The following BCL11A variants were observed in gnomAD, a reference collection of about 807,000 sequenced individuals.
BCL11A encodes BCL11 transcription factor A, also known as B cell CLL/lymphoma 11A.
In BCL11A, 2 loss-of-function variants were observed where a neutral mutation model predicts 55.9. The ratio of observed to expected loss-of-function variants is 0.04; its 90% CI spans 0.01 to 0.11. The LOEUF is 0.11. BCL11A is among the 10% of genes least tolerant of loss of function. The probability of loss-of-function intolerance (pLI) is 1.00; values close to 1 mark genes in which losing one functional copy is unlikely to be tolerated. For synonymous variants in BCL11A, 465 were observed against 473.4 expected (o/e 0.98, Z 0.23); for missense variants, 817 against 1,137.1 (o/e 0.72, Z 4.05).
chr2:60,491,483 G>C (rs997181568), intron 2 of BCL11A, among the ~76,000 whole-genome samples: 5 of 151,970 alleles, frequency 3.3e-5, no homozygotes, highest in East Asian at 1.9e-4. Context: ...GATCAGTTTG[G>C]ACAACACAGT....
intron 2 of BCL11A, among the ~76,000 whole-genome samples, chr2:60,491,528 C>A (rs576384621): frequency 1.3e-5 from 2 of 151,950 alleles, no homozygotes. Context: ...CAAAATTAGC[C>A]GGGCATGGTA....
At chr2:60,467,504 A>G (rs377408821) in intron 3 of BCL11A, among the ~76,000 whole-genome samples, 1 of 4,834 alleles carries the variant, frequency 2.1e-4, no homozygotes, top group Non-Finnish European at 3.5e-4. Flanking sequence ...GGTGGTGATG[A>G]TGGTGATGGT....
intron 2 of BCL11A, chr2:60,528,203 C>T (rs1669292649): frequency 6.6e-6 from 1 of 152,666 alleles, no homozygotes; most frequent in Admixed American, 6.5e-5. Context: ...CTGATTCTCC[C>T]CAGCCTTTGA....
intron 1 of BCL11A, chr2:60,549,877 T>A (rs567389468): frequency 6.6e-6 from 1 of 152,324 alleles, no homozygotes; most frequent in East Asian, 1.9e-4. Flanking sequence ...TCTCTGCAAA[T>A]GCATTTCCCC....
At chr2:60,552,674 A>G (rs985174809) in intron 1 of BCL11A, among the ~76,000 whole-genome samples, 3 of 152,018 alleles carry the variant, frequency 2.0e-5, no homozygotes, top group African/African-American at 7.3e-5. Flanking sequence ...CTCCCGCTGC[A>G]CACTTGACCG....
rs544967039 is a variant in BCL11A, at chr2:60,546,091, G to A, written c.265C>T (p.Pro89Ser). ...TTGGATGCTTTTTTCATCTCGATTG[G>A]TGAAGGGGAAGGTGGCTTATCCACA... ...KAVDKPPSPS[P>S]IEMKKASNPV... The change falls in exon 2 of 4, where the codon CCA (proline) becomes TCA (serine). Residue 89 changes from proline to serine, a missense_variant. Transcript: ENST00000642384. The surrounding 1 kb of genome is among the most constrained non-coding windows in gnomAD (Gnocchi z 4.1). 9.0e-5 allele frequency: 146 copies of A among 1,614,212 alleles called. 2 individuals carry two copies. In the South Asian group the frequency reaches 1.5e-3, roughly 17 times the overall value.
intron 2 of BCL11A, chr2:60,541,869 G>C (rs1469090285): frequency 1.7e-5 from 12 of 690,438 alleles, no homozygotes; most frequent in Non-Finnish European, 2.4e-5. Flanking sequence ...ATAATTTATA[G>C]TCTCATTTAC....
chr2:60,505,450 G>A (rs2104437108), intron 2 of BCL11A, among the ~76,000 whole-genome samples: 1 of 152,334 alleles, frequency 6.6e-6, no homozygotes, highest in Admixed American at 6.5e-5. Flanking sequence ...AGCCGAGTGA[G>A]GCTGCCTTCA....
intron 1 of BCL11A, among the ~76,000 whole-genome samples, chr2:60,548,068 A>G (rs1340523439): frequency 6.6e-6 from 1 of 152,238 alleles, no homozygotes; most frequent in Non-Finnish European, 1.5e-5. Flanking sequence ...GTGCCTCTGC[A>G]TTGTGCCTTA....
In BCL11A at chr2:60,459,934, T is replaced by TTCTC; in HGVS notation, c.*466_*469dup. ...ACAGAATGTATGCAGCATGGTCTTT[T>TTCTC]TCTCTCTCTCTCTCTTTTTCTCTCA... On this transcript the variant is annotated 3_prime_UTR_variant, in exon 4 of 4. Transcript: ENST00000642384. 2 of 1,058,492 alleles carry TTCTC rather than the reference T, an allele frequency of 1.9e-6. No individual in the cohort carries two copies. The highest frequency in any genetic ancestry group is 3.3e-5 in the African/African-American group (2 of 60,696). The allele number at this position is 1,058,492 out of a possible 1,614,324, so 65.6% of individuals were successfully genotyped here.
chr2:60,551,080 C>T (rs1670395596), intron 1 of BCL11A, among the ~76,000 whole-genome samples: 1 of 152,182 alleles, frequency 6.6e-6, no homozygotes, highest in South Asian at 2.1e-4. Flanking sequence ...GCGCACCCCC[C>T]ACCACCACCC....
intron 2 of BCL11A, among the ~76,000 whole-genome samples, chr2:60,493,899 G>A (rs1678795699): frequency 6.6e-6 from 1 of 152,192 alleles, no homozygotes; most frequent in Non-Finnish European, 1.5e-5. Context: ...GATCAGAGGT[G>A]AACAGGAAGC....
Position 60,553,311 on chromosome 2 carries a change from G to A in BCL11A, c.-41C>T, listed in dbSNP as rs771441974. 6.6e-7 allele frequency: 1 copy of A among 1,525,702 alleles called. No homozygotes were observed. Among genetic ancestry groups the A allele is most frequent in the Non-Finnish European group, 8.7e-7 (1 of 1,143,088 alleles). 94.5% of individuals were successfully genotyped at this position (1,525,702 alleles called of 1,614,324 possible). Reference sequence around the variant, plus strand: ...GGGCGGCGGCGGCGGCGGCGGCGGCGGCGGGCGGACGACGGCTCGGTTCAC... The same window carrying A: ...GGGCGGCGGCGGCGGCGGCGGCGGCAGCGGGCGGACGACGGCTCGGTTCAC... On this transcript the variant is annotated 5_prime_UTR_variant, in exon 1 of 4. Transcript: ENST00000642384.
intron 2 of BCL11A, among the ~76,000 whole-genome samples, chr2:60,484,943 T>C (rs1241896875): frequency 3.4e-5 from 5 of 147,812 alleles, no homozygotes; most frequent in Non-Finnish European, 6.0e-5. Flanking sequence ...AGAAATCCTC[T>C]GTGGCACTTG....
chr2:60,468,029 G>GGTGCTGGTGGTCATGGTACTTTGTGGTGA, intron 3 of BCL11A, among the ~76,000 whole-genome samples: 1 of 8,744 alleles, frequency 1.1e-4, no homozygotes, highest in Non-Finnish European at 2.2e-4. Flanking sequence ...GGTGGTAGTG[G>GGTGCTGGTGGTCATGGTACTTTGTGGTGA]TGGTGATGGT....
chr2:60,458,601 G>GTTT lies in BCL11A; in HGVS notation c.*1800_*1802dup. 7 of 849,540 alleles carry GTTT rather than the reference G, an allele frequency of 8.2e-6. No homozygotes were observed. Among genetic ancestry groups the GTTT allele is most frequent in the Non-Finnish European group, 1.0e-5 (7 of 699,196 alleles). The allele number at this position is 849,540 out of a possible 1,614,324, so 52.6% of individuals were successfully genotyped here. A position where few individuals can be genotyped will look rare whatever the true frequency, so the allele number is the denominator to read the frequency against. ...AATAGTCAAGTAAATGGCTGGCAAAGTTTTTTTTTTTTTAGTTTTTAAAAA... is the reference window on the plus strand; with the variant it reads ...AATAGTCAAGTAAATGGCTGGCAAAGTTTTTTTTTTTTTTTTAGTTTTTAAAAA... On this transcript the variant is annotated 3_prime_UTR_variant, in exon 4 of 4. Transcript: ENST00000642384.
rs371615233 is a variant in BCL11A at position 60,498,073 on chromosome 2, G to C, written c.386-29240C>G. Among the ~76,000 whole-genome samples, 5 of 152,040 alleles carry C rather than the reference G, an allele frequency of 3.3e-5. No individual in the cohort carries two copies. The South Asian group carries it at 6.3e-4, about 19-fold the overall frequency. On this transcript the variant is annotated intron_variant, in intron 2 of 3. Transcript: ENST00000642384. ...CTCAAGAGCAGGGGTCTTCTCTTTG[G>C]GGGAGGACATCACTCTTAGCAGGGC...
intron 2 of BCL11A, among the ~76,000 whole-genome samples, chr2:60,504,274 T>C (rs1679453209): frequency 6.6e-6 from 1 of 152,188 alleles, no homozygotes; most frequent in Non-Finnish European, 1.5e-5. Context: ...GCAGGATCAA[T>C]GATGAAGATG....
intron 2 of BCL11A, chr2:60,541,765 G>A (rs1362480200): frequency 1.9e-5 from 10 of 520,176 alleles, no homozygotes; most frequent in Non-Finnish European, 3.1e-5. Flanking sequence ...TGTTTTAACT[G>A]CCATGCTGAA....
Sources: allele counts gnomAD v4.1 joint callset (sites outside exome capture counted in the v4.1 genomes callset), GRCh38; gene constraint gnomAD v4.1.1; non-coding constraint Gnocchi (gnomAD v3.1); transcripts MANE v1.5; gene names NCBI Gene and HGNC (gene_info 2026-07-23, HGNC 2026-07-21).